The following CATSPERE variants were observed in gnomAD, a reference collection of about 807,000 sequenced individuals.
CATSPERE encodes cation channel sperm-associated auxiliary subunit epsilon.
Under a neutral mutation model 114.1 loss-of-function variants are expected in CATSPERE, and 93 were observed. The ratio of observed to expected loss-of-function variants is 0.81; its 90% confidence interval spans 0.69 to 0.97. The LOEUF is 0.97. CATSPERE is among the 50% of genes least tolerant of loss of function. The pLI is 0.00. For missense variants in CATSPERE, 1,058 were observed against 1,131.6 expected, an observed-to-expected ratio of 0.93 and a Z score of 0.93; for synonymous variants, 341 against 384.1, an observed-to-expected ratio of 0.89 and a Z score of 1.31.
intron 19 of CATSPERE, 167 bp downstream of exon 19, chr1:244,610,493 A>G (rs749343760): frequency 2.6e-5 from 18 of 698,876 alleles, no homozygotes; most frequent in Non-Finnish European, 3.6e-5. Context: ...GCTTCATCTT[A>G]ATTTCTGTGT....
intron 7 of CATSPERE, among the ~76,000 whole-genome samples, chr1:244,499,508 G>A (rs1471836588): frequency 1.9e-5 from 1 of 52,990 alleles, no homozygotes; most frequent in Non-Finnish European, 3.8e-5. Flanking sequence ...CCCACCCCTC[G>A]ACAGGCCATG....
intron 8 of CATSPERE, among the ~76,000 whole-genome samples, chr1:244,531,993 T>A (rs1679684031): frequency 6.6e-6 from 1 of 152,202 alleles, no homozygotes; most frequent in African/African-American, 2.4e-5. Context: ...TACTATGGCT[T>A]CAATCTCATT....
chr1:244,565,204 A>T (rs571418710), intron 10 of CATSPERE, among the ~76,000 whole-genome samples: 1 of 152,190 alleles, frequency 6.6e-6, no homozygotes, highest in African/African-American at 2.4e-5. Flanking sequence ...TTGGCCTGAA[A>T]TTTTCTTTTT....
chr1:244,552,021 A>G (rs535273003), intron 8 of CATSPERE, among the ~76,000 whole-genome samples: 2 of 129,210 alleles, frequency 1.5e-5, no homozygotes, highest in South Asian at 5.2e-4. Context: ...CCCAGATCGC[A>G]CCACTGCACT....
intron 17 of CATSPERE, among the ~76,000 whole-genome samples, chr1:244,604,241 C>G (rs927335474): frequency 6.6e-6 from 1 of 152,228 alleles, no homozygotes. Context: ...AGCCAAACAC[C>G]AATCCTCCAA....
At chr1:244,594,333 G>A (rs1006469528) in intron 17 of CATSPERE, among the ~76,000 whole-genome samples, 8 of 152,116 alleles carry the variant, frequency 5.3e-5, no homozygotes, top group South Asian at 2.1e-4. Flanking sequence ...AAACAAAAAC[G>A]AATAATATTT....
chr1:244,546,299 C>G (rs1221894584), intron 8 of CATSPERE, among the ~76,000 whole-genome samples: 2 of 152,204 alleles, frequency 1.3e-5, no homozygotes, highest in Admixed American at 6.5e-5. Context: ...TTGTGGGCCA[C>G]ACCAGCTGAC....
chr1:244,558,202 C>T (rs6676443), intron 9 of CATSPERE, among the ~76,000 whole-genome samples: 18,524 of 135,750 alleles, frequency 0.14, 2,066 homozygotes, highest in African/African-American at 0.32. Context: ...AGTGCAGTGG[C>T]GCAATCTCAG....
intron 14 of CATSPERE, among the ~76,000 whole-genome samples, chr1:244,589,020 G>A (rs762784150): frequency 2.0e-4 from 31 of 152,168 alleles, no homozygotes; most frequent in Non-Finnish European, 3.5e-4. Flanking sequence ...CACAGTGATT[G>A]CCCTAGAGAA....
rs1255032751 is a variant in CATSPERE, at chr1:244,581,858, A to C, written c.2009+4A>C. 4.0e-6 allele frequency: 5 copies of C among 1,253,196 alleles called. No homozygotes were observed. Among genetic ancestry groups the C allele is most frequent in the Admixed American group, 4.1e-5 (2 of 49,196 alleles). The allele number at this position is 1,253,196 out of a possible 1,614,324, so 77.6% of individuals were successfully genotyped here. On this transcript the variant is annotated splice_donor_region_variant and intron_variant, in intron 12 of 21. Transcript: ENST00000366534. ...TATCTGATTACTTTGAGACACAGTA[A>C]GTATAACTTTTAAAAGAACTTTCTC...
Position 244,633,795 on chromosome 1 carries a change from A to G in CATSPERE, c.2649-1694A>G, listed in dbSNP as rs1674275487. On this transcript the variant is annotated intron_variant, in intron 20 of 21. Coordinates refer to ENST00000366534, the MANE Select transcript of CATSPERE (RefSeq NM_001130957.2). This position sits in a 1 kb window ranked among gnomAD's most constrained non-coding sequence, Gnocchi z 4.1. ...ACCCTTCATCCTTATTTAAACTCCA[A>G]CCTTTAGGACTCAACACAAGCCTCT... 1.3e-5 allele frequency among the ~76,000 whole-genome samples: 2 copies of G among 150,886 alleles called. No homozygotes were observed. Among genetic ancestry groups the G allele is most frequent in the African/African-American group, 4.9e-5 (2 of 40,960 alleles).
chr1:244,621,986 C>T (rs1184872325), intron 20 of CATSPERE, among the ~76,000 whole-genome samples: 4 of 152,180 alleles, frequency 2.6e-5, no homozygotes, highest in Non-Finnish European at 5.9e-5. Flanking sequence ...TAAATAATCA[C>T]AAATGTACTT....
intron 9 of CATSPERE, among the ~76,000 whole-genome samples, chr1:244,553,172 C>T (rs2148501585): frequency 6.6e-6 from 1 of 152,226 alleles, no homozygotes; most frequent in South Asian, 2.1e-4. Flanking sequence ...GTGTAATGAT[C>T]AAGTCAGGGT....
At position 244,528,785 on chromosome 1, in the gene CATSPERE, C is replaced by CCACACACACACA. The variant is rs56746061; in HGVS notation, c.536+10117_536+10128dup. Among the ~76,000 whole-genome samples, 126 of 130,580 alleles carry CCACACACACACA rather than the reference C, an allele frequency of 9.6e-4. 1 individual carries two copies. The East Asian group carries it at 0.011, about 11-fold the overall frequency. The allele number at this position is 130,580 out of a possible 152,430, so 85.7% of individuals were successfully genotyped here. On this transcript the variant is annotated intron_variant, in intron 8 of 21. Transcript: ENST00000366534. The stretch of plus-strand genomic sequence containing the variant: ...TACTCTCCCCCACAACAATCCCCCA[C>CCACACACACACA]CACACACACACACACACACACACAC...
At chr1:244,516,693 TG>T (rs1676696286) in intron 7 of CATSPERE, among the ~76,000 whole-genome samples, 1 of 150,986 alleles carries the variant, frequency 6.6e-6, no homozygotes, top group East Asian at 1.9e-4. Flanking sequence ...AGCTATTTTT[TG>T]TATTTTTAGT....
chr1:244,477,720 A>G, intron 3 of CATSPERE, 106 bp downstream of exon 3: 1 of 996,978 alleles, frequency 1.0e-6, no homozygotes, highest in African/African-American at 1.6e-5. Context: ...ATTTTCTTTC[A>G]TTAAGTAGAT....
At chr1:244,526,225 G>A (rs924995748) in intron 8 of CATSPERE, among the ~76,000 whole-genome samples, 5 of 152,046 alleles carry the variant, frequency 3.3e-5, no homozygotes, top group African/African-American at 1.2e-4. Flanking sequence ...TGGGCAATAT[G>A]ACAAAACCCT....
chr1:244,510,412 G>T (rs1390566470), intron 7 of CATSPERE, among the ~76,000 whole-genome samples: 1 of 151,992 alleles, frequency 6.6e-6, no homozygotes, highest in Non-Finnish European at 1.5e-5. Flanking sequence ...TATTTTTATA[G>T]TTTCAAATAT....
intron 20 of CATSPERE, among the ~76,000 whole-genome samples, chr1:244,626,121 C>T (rs976351187): frequency 3.4e-4 from 51 of 152,112 alleles, no homozygotes; most frequent in Non-Finnish European, 6.2e-4. Context: ...CTACATTAGC[C>T]TCTAACAAGA....
Sources: allele counts gnomAD v4.1 joint callset (sites outside exome capture counted in the v4.1 genomes callset), GRCh38; gene constraint gnomAD v4.1.1; non-coding constraint Gnocchi (gnomAD v3.1); transcripts MANE v1.5; gene names NCBI Gene and HGNC (gene_info 2026-07-23, HGNC 2026-07-21).